The following F9 variants were observed in gnomAD, a reference collection of about 807,000 sequenced individuals.
The protein encoded by F9 is Christmas factor.
In F9, 2 loss-of-function variants were observed where a neutral mutation model predicts 34.1. The observed-to-expected ratio is 0.06, with a 90% CI of 0.02 to 0.18. The LOEUF (loss-of-function observed/expected upper bound fraction) is 0.18. Among genes scored for constraint, F9 ranks in the 10% least tolerant of loss-of-function variants. F9 has a pLI of 1.00. For synonymous variants in F9, 137 were observed against 118.8 expected, an observed-to-expected ratio of 1.15 and a Z score of -1.00; for missense variants, 216 against 345.1, an observed-to-expected ratio of 0.63 and a Z score of 2.96.
intron 4 of F9, among the ~76,000 whole-genome samples, chrX:139,542,501 T>C (rs1274278519): frequency 9.0e-6 from 1 of 111,583 alleles, no homozygotes; most frequent in Non-Finnish European, 1.9e-5. Flanking sequence ...CCTGGATAAA[T>C]TTGATCTTGC....
At chrX:139,551,427 T>C (rs959612811) in intron 6 of F9, among the ~76,000 whole-genome samples, 163 bp downstream of exon 6, 4 of 110,913 alleles carry the variant, frequency 3.6e-5, no homozygotes, top group Non-Finnish European at 3.8e-5. Flanking sequence ...AGATGAGCAG[T>C]TGGTGAAAGA....
chrX:139,544,518 C>G (rs1271774759), intron 4 of F9, among the ~76,000 whole-genome samples: 1 of 110,899 alleles, frequency 9.0e-6, no homozygotes, highest in Non-Finnish European at 1.9e-5. Context: ...GGACTAAGAG[C>G]CAATTATTAC....
intron 6 of F9, among the ~76,000 whole-genome samples, chrX:139,554,543 C>G (rs375874235): frequency 9.0e-6 from 1 of 111,660 alleles, no homozygotes; most frequent in Non-Finnish European, 1.9e-5. Context: ...CAAAATGAAA[C>G]AGGAAATGAA....
At chrX:139,556,727 T>C (rs944227033) in intron 6 of F9, among the ~76,000 whole-genome samples, 4 of 112,525 alleles carry the variant, frequency 3.6e-5, no homozygotes, top group African/African-American at 9.7e-5. Flanking sequence ...GATTATTTGA[T>C]GAAATGCATT....
chrX:139,556,458 T>C (rs944154697), intron 6 of F9, among the ~76,000 whole-genome samples: 4 of 112,056 alleles, frequency 3.6e-5, no homozygotes, highest in African/African-American at 1.3e-4. Flanking sequence ...CAATCCTTTC[T>C]GTTCGATTAG....
intron 3 of F9, among the ~76,000 whole-genome samples, chrX:139,539,889 C>T (rs751611048): frequency 1.8e-5 from 2 of 111,324 alleles, no homozygotes; most frequent in Non-Finnish European, 3.8e-5. Context: ...TCTTAGTCAA[C>T]GGAACCTGGA....
Position 139,562,029 on chromosome X carries a change from C to T in F9, c.1344C>T (p.Ser448=), listed in dbSNP as rs2148368307. ...KGKYGIYTKV[S]RYVNWIKEKT... Reference sequence around the variant, plus strand: ...AATATGGAATATATACCAAGGTATCCCGGTATGTCAACTGGATTAAGGAAA... The same window carrying T: ...AATATGGAATATATACCAAGGTATCTCGGTATGTCAACTGGATTAAGGAAA... Residue 448 remains serine (S), a synonymous_variant, in exon 8 of 8, where the codon TCC becomes TCT. Transcript: ENST00000218099. 1.7e-6 allele frequency: 2 copies of T among 1,210,580 alleles called. No individual in the cohort carries two copies. The highest frequency in any genetic ancestry group is 1.1e-6 in the Non-Finnish European group (1 of 894,861).
chrX:139,533,920 G>A (rs947610922), intron 1 of F9, among the ~76,000 whole-genome samples: 2 of 112,005 alleles, frequency 1.8e-5, no homozygotes, highest in Non-Finnish European at 3.8e-5. Flanking sequence ...AGGAACAGGA[G>A]TTAATCAATT....
rs1002186761 is a variant in F9 at position 139,531,015 on chromosome X, A to G, written c.88+163A>G. On this transcript the variant is annotated intron_variant, in intron 1 of 7. Transcript: ENST00000218099. ...GGTAAGTACTGGTTCTTTGTTAGCTAGGTTTTCTTCTTCTTCATTTTTAAA... is the reference window on the plus strand; with the variant it reads ...GGTAAGTACTGGTTCTTTGTTAGCTGGGTTTTCTTCTTCTTCATTTTTAAA... Among the ~76,000 whole-genome samples, 66 of 112,175 alleles carry G rather than the reference A, an allele frequency of 5.9e-4. 1 individual carries two copies. The highest frequency in any genetic ancestry group is 2.0e-3 in the African/African-American group (61 of 30,869).
chrX:139,549,829 C>G (rs1927801208), intron 5 of F9, among the ~76,000 whole-genome samples: 3 of 111,830 alleles, frequency 2.7e-5, no homozygotes, highest in African/African-American at 9.7e-5. Flanking sequence ...GAGGCCTGTT[C>G]CCAACAAACC....
intron 4 of F9, among the ~76,000 whole-genome samples, chrX:139,541,854 G>A (rs1927608858): frequency 8.9e-6 from 1 of 111,781 alleles, no homozygotes; most frequent in African/African-American, 3.2e-5. Flanking sequence ...TCAAAGCCTA[G>A]ATTATTTCTT....
intron 4 of F9, among the ~76,000 whole-genome samples, chrX:139,546,192 T>C (rs1262256332): frequency 8.9e-6 from 1 of 112,060 alleles, no homozygotes; most frequent in African/African-American, 3.2e-5. Context: ...TTTTTGTTCC[T>C]ACGCTAGTTT....
At chrX:139,539,010 A>T (rs1156912858) in intron 3 of F9, among the ~76,000 whole-genome samples, 3 of 112,048 alleles carry the variant, frequency 2.7e-5, no homozygotes. Context: ...TTTCACTTGC[A>T]GTCAAGGTTC....
In F9 at chrX:139,561,716, T is replaced by C. The variant is rs387906482; in HGVS notation, c.1031T>C (p.Ile344Thr). 2 of 1,210,422 alleles carry C rather than the reference T, an allele frequency of 1.7e-6. No homozygotes were observed. The highest frequency in any genetic ancestry group is 2.2e-6 in the Non-Finnish European group (2 of 895,361). Residue 344 changes from isoleucine (I) to threonine (T), a missense_variant, in exon 8 of 8, where the codon ATC becomes ACC. Coordinates refer to ENST00000218099, the MANE Select transcript of F9 (RefSeq NM_000133.4). ...ICIADKEYTNIFLKFGSGYVS... is the reference protein window; with the variant it reads ...ICIADKEYTNTFLKFGSGYVS... ...ATTGCTGACAAGGAATACACGAACATCTTCCTCAAATTTGGATCTGGCTAT... is the reference window on the plus strand; with the variant it reads ...ATTGCTGACAAGGAATACACGAACACCTTCCTCAAATTTGGATCTGGCTAT...
At chrX:139,556,122 G>A (rs1298328334) in intron 6 of F9, among the ~76,000 whole-genome samples, 1 of 110,887 alleles carries the variant, frequency 9.0e-6, no homozygotes, top group Non-Finnish European at 1.9e-5. Context: ...TCAGTTCGGT[G>A]TGTGGCGTAT....
intron 1 of F9, among the ~76,000 whole-genome samples, chrX:139,535,705 T>C (rs1927443554): frequency 9.0e-6 from 1 of 111,326 alleles, no homozygotes; most frequent in Admixed American, 9.6e-5. Context: ...GTCCCTGTTA[T>C]TAATTTTATA....
At chrX:139,546,896 A>G (rs1300030872) in intron 4 of F9, among the ~76,000 whole-genome samples, 1 of 112,180 alleles carries the variant, frequency 8.9e-6, no homozygotes, top group Non-Finnish European at 1.9e-5. Flanking sequence ...AATGGATTCA[A>G]TGCAATACCA....
intron 3 of F9, among the ~76,000 whole-genome samples, chrX:139,539,960 A>C (rs1340298893): frequency 9.0e-6 from 1 of 111,680 alleles, no homozygotes; most frequent in African/African-American, 3.3e-5. Flanking sequence ...GATGTCAAGG[A>C]GATTTGCTTT....
In F9 at chrX:139,561,782, C is replaced by T; in HGVS notation, c.1097C>T (p.Ala366Val). ...AGAGTCTTCCACAAAGGGAGATCAG[C>T]TTTAGTTCTTCAGTACCTTAGAGTT... ...WGRVFHKGRS[A>V]LVLQYLRVPL... The change falls in exon 8 of 8, where the codon GCT becomes GTT. Residue 366 changes from alanine to valine, a missense_variant. By Grantham distance (64) the Ala-to-Val change is moderately conservative. This residue lies in a region of F9 where 177 missense variants were observed against 311.8 expected (regional missense o/e 0.57). Coordinates refer to ENST00000218099, the MANE Select transcript of F9 (RefSeq NM_000133.4). The T allele has an allele frequency of 8.3e-7, 1 of 1,211,831 alleles. No individual in the cohort carries two copies. The highest frequency in any genetic ancestry group is 1.1e-6 in the Non-Finnish European group (1 of 895,575).
Sources: gnomAD v4.1 joint callset for allele counts (sites outside exome capture counted in the v4.1 genomes callset) on GRCh38, gnomAD v4.1.1 for gene constraint, gnomAD v4.1.1 regional missense constraint, MANE v1.5 for transcripts, NCBI Gene and HGNC (gene_info 2026-07-23, HGNC 2026-07-21) for gene names.